The following UNC13C variants were observed in gnomAD, a reference collection of about 807,000 sequenced individuals.
UNC13C encodes the protein protein unc-13 homolog C.
A neutral mutation model predicts 245.4 loss-of-function variants in UNC13C; 174 were observed. The observed-to-expected ratio is 0.71, with a 90% confidence interval of 0.63 to 0.80. The LOEUF (loss-of-function observed/expected upper bound fraction) is 0.80. UNC13C is among the 30% of genes least tolerant of loss of function. The pLI is 0.00. For synonymous variants in UNC13C, 992 were observed against 895.1 expected, an observed-to-expected ratio of 1.11 and a Z score of -1.93; for missense variants, 2,829 against 2,602.9, an observed-to-expected ratio of 1.09 and a Z score of -1.89.
At chr15:53,940,861 T>A in the UNC13C span, among the ~76,000 whole-genome samples, 47,694 of 152,060 alleles carry the variant, frequency 0.31, 7,622 homozygotes, top group Non-Finnish European at 0.33. Flanking sequence ...ATAGAAATAA[T>A]CAATGTCATG....
At chr15:54,492,776 C>T (rs1419684481) in intron 19 of UNC13C, among the ~76,000 whole-genome samples, 1 of 152,202 alleles carries the variant, frequency 6.6e-6, no homozygotes, top group Admixed American at 6.5e-5. Flanking sequence ...ACAAATTTCT[C>T]CCCACACTCC....
intron 23 of UNC13C, among the ~76,000 whole-genome samples, chr15:54,510,248 C>G (rs1464266828): frequency 3.9e-5 from 6 of 152,136 alleles, no homozygotes; most frequent in African/African-American, 1.4e-4. Context: ...GGATTTCTCC[C>G]TGGTAGGATT....
the UNC13C span, among the ~76,000 whole-genome samples, chr15:53,934,432 A>T: frequency 1.3e-5 from 2 of 152,276 alleles, no homozygotes; most frequent in African/African-American, 4.8e-5. Context: ...TCTAACACTT[A>T]AGCAAATAGT....
At chr15:53,969,049 A>T in the UNC13C span, among the ~76,000 whole-genome samples, 1 of 152,162 alleles carries the variant, frequency 6.6e-6, no homozygotes, top group East Asian at 1.9e-4. Context: ...CCTCTGTTTT[A>T]TAGGATAAAG....
intron 2 of UNC13C, chr15:54,049,597 C>T (rs756074476): frequency 8.1e-6 from 2 of 246,084 alleles, no homozygotes; most frequent in East Asian, 1.4e-4. Flanking sequence ...ACTTTTTCCA[C>T]TCCCAGTGTT....
intron 24 of UNC13C, among the ~76,000 whole-genome samples, chr15:54,525,120 A>T (rs1895388531): frequency 6.6e-6 from 1 of 152,348 alleles, no homozygotes; most frequent in East Asian, 1.9e-4. Flanking sequence ...TTAATTTTTA[A>T]CAACTTTTAT....
chr15:54,118,644 C>T (rs2030444899), intron 2 of UNC13C, among the ~76,000 whole-genome samples: 2 of 152,130 alleles, frequency 1.3e-5, no homozygotes, highest in African/African-American at 4.8e-5. Flanking sequence ...TGTTTTGCTG[C>T]CCTACTTACT....
intron 30 of UNC13C, among the ~76,000 whole-genome samples, chr15:54,570,849 T>C (rs1596590347): frequency 6.6e-6 from 1 of 152,244 alleles, no homozygotes; most frequent in South Asian, 2.1e-4. Flanking sequence ...GTCCAGTCCA[T>C]GTTCTCTTTG....
chr15:54,429,385 C>T (rs1390620315), intron 19 of UNC13C, among the ~76,000 whole-genome samples: 1 of 151,636 alleles, frequency 6.6e-6, no homozygotes, highest in East Asian at 1.9e-4. Flanking sequence ...ACGTCTTTAT[C>T]TTTTTAAAAG....
At chr15:54,379,831 T>G (rs1175802441) in intron 17 of UNC13C, among the ~76,000 whole-genome samples, 1 of 152,318 alleles carries the variant, frequency 6.6e-6, no homozygotes, top group East Asian at 1.9e-4. Flanking sequence ...CAGGTATTTT[T>G]GGTATGGGTT....
chr15:53,993,274 T>C (rs906085538), intron 1 of UNC13C, among the ~76,000 whole-genome samples: 1 of 152,122 alleles, frequency 6.6e-6, no homozygotes, highest in Non-Finnish European at 1.5e-5. Context: ...GAAACTCTGA[T>C]GCCAATATGG....
chr15:53,961,991 T>A, the UNC13C span, among the ~76,000 whole-genome samples: 2 of 152,252 alleles, frequency 1.3e-5, no homozygotes, highest in South Asian at 4.1e-4. Context: ...GATTTTATTA[T>A]CAAATTTTAG....
intron 4 of UNC13C, among the ~76,000 whole-genome samples, chr15:54,187,631 A>T (rs12904532): frequency 0.15 from 23,079 of 152,084 alleles, 2,192 homozygotes; most frequent in Non-Finnish European, 0.2. Flanking sequence ...TGTCCTCAGA[A>T]AAAGCCTTTC....
chr15:54,214,696 C>T (rs1238897256), intron 4 of UNC13C, among the ~76,000 whole-genome samples: 2 of 151,934 alleles, frequency 1.3e-5, no homozygotes, highest in East Asian at 1.9e-4. Context: ...TACTTAATGA[C>T]TTTAAAGTAA....
chr15:54,604,976 A>G (rs577148991), intron 30 of UNC13C, among the ~76,000 whole-genome samples: 1 of 152,196 alleles, frequency 6.6e-6, no homozygotes, highest in Non-Finnish European at 1.5e-5. Context: ...CTGGGGGAAA[A>G]AAACAGCTCT....
chr15:54,563,128 C>T (rs1054297329), intron 29 of UNC13C, among the ~76,000 whole-genome samples: 4 of 151,980 alleles, frequency 2.6e-5, no homozygotes, highest in African/African-American at 9.7e-5. Flanking sequence ...TTTTTACTTT[C>T]CTCTTTGCCA....
intron 17 of UNC13C, among the ~76,000 whole-genome samples, chr15:54,379,931 G>C (rs2039686253): frequency 6.6e-6 from 1 of 152,068 alleles, no homozygotes; most frequent in Non-Finnish European, 1.5e-5. Flanking sequence ...ATTGTGAAAT[G>C]ACTCAATCTA....
chr15:53,859,312 T>A, the UNC13C span, among the ~76,000 whole-genome samples: 1 of 152,174 alleles, frequency 6.6e-6, no homozygotes, highest in South Asian at 2.1e-4. Flanking sequence ...TCCAAATATA[T>A]CATCCTGACT....
At chr15:54,185,307 G>T (rs1433432711) in intron 4 of UNC13C, among the ~76,000 whole-genome samples, 1 of 152,010 alleles carries the variant, frequency 6.6e-6, no homozygotes, top group East Asian at 1.9e-4. Context: ...GGCTTTTGTT[G>T]CCATTGCTTT....
Sources: allele counts gnomAD v4.1 joint callset (sites outside exome capture counted in the v4.1 genomes callset), GRCh38; gene constraint gnomAD v4.1.1; transcripts MANE v1.5; gene names NCBI Gene and HGNC (gene_info 2026-07-23, HGNC 2026-07-21).